TTC21B: variants seen among roughly 807,000 people sequenced by gnomAD.
TTC21B encodes the protein tetratricopeptide repeat protein 21B.
A neutral mutation model predicts 175.1 loss-of-function variants in TTC21B; 127 were observed. The observed-to-expected ratio is 0.73, with a 90% CI of 0.63 to 0.84. TTC21B has a LOEUF of 0.84. Ranked by LOEUF, TTC21B falls within the 40% of genes least tolerant of loss-of-function variation. TTC21B has a pLI of 0.00. For missense variants in TTC21B, 1,561 were observed against 1,558.3 expected (o/e 1.00, Z -0.03); for synonymous variants, 524 against 524.5 (o/e 1.00, Z 0.01).
intron 22 of TTC21B, 162 bp downstream of exon 22, chr2:165,898,524 T>C: frequency 1.5e-6 from 1 of 684,988 alleles, no homozygotes; most frequent in Non-Finnish European, 2.7e-6. Flanking sequence ...TGTTGCAATT[T>C]CCTTATAGCC....
At chr2:165,919,612 A>G (rs987014890) in intron 12 of TTC21B, among the ~76,000 whole-genome samples, 179 bp from the exon 13 acceptor site, 1 of 152,192 alleles carries the variant, frequency 6.6e-6, no homozygotes, top group Admixed American at 6.5e-5. Flanking sequence ...TCTAGTCTAC[A>G]TGAATGAATA....
chr2:165,900,789 A>G (rs1275730087), intron 20 of TTC21B, among the ~76,000 whole-genome samples: 1 of 152,108 alleles, frequency 6.6e-6, no homozygotes, highest in South Asian at 2.1e-4. Context: ...AAATTTGAAA[A>G]TTATTTAAAT....
chr2:165,930,001 T>C (rs1046055653), intron 9 of TTC21B, among the ~76,000 whole-genome samples, 171 bp downstream of exon 9: 1 of 147,614 alleles, frequency 6.8e-6, no homozygotes, highest in Non-Finnish European at 1.5e-5. Context: ...TCTCTCAAGA[T>C]ATTATTTGTG....
At chr2:165,937,771 C>CCACACACACACACACACA (rs4001021) in intron 6 of TTC21B, among the ~76,000 whole-genome samples, 2 of 127,568 alleles carry the variant, frequency 1.6e-5, no homozygotes, top group African/African-American at 5.9e-5. Context: ...TATATAGAAA[C>CCACACACACACACACACA]CACACACACA....
At position 165,934,429 on chromosome 2, in the gene TTC21B, G is replaced by A. The variant is rs1413424427; in HGVS notation, c.711-1372C>T. Among the ~76,000 whole-genome samples the A allele has an allele frequency of 4.0e-5, 6 of 149,322 alleles. No homozygotes were observed. In the East Asian group the frequency reaches 1.2e-3, roughly 30 times the overall value. On this transcript the variant is annotated intron_variant, in intron 6 of 28. Coordinates refer to ENST00000243344, the MANE Select transcript of TTC21B (RefSeq NM_024753.5). ...AGGCATGAGAATCACTTGAACCCGGGAGGCGGAGGTTGCAGGGAGCCAAGA... is the reference window on the plus strand; with the variant it reads ...AGGCATGAGAATCACTTGAACCCGGAAGGCGGAGGTTGCAGGGAGCCAAGA...
Position 165,888,410 on chromosome 2 carries a change from C to G in TTC21B, c.3328G>C (p.Glu1110Gln). The change falls in exon 25 of 29, where the codon GAA becomes CAA. Residue 1110 changes from glutamate (E) to glutamine (Q), a missense_variant. Coordinates refer to ENST00000243344, the MANE Select transcript of TTC21B (RefSeq NM_024753.5). Reference protein sequence around the residue: ...AVRTAEKLLKELKPQTVQGHV... With the variant: ...AVRTAEKLLKQLKPQTVQGHV... ...CCCTGAACAGTCTGAGGTTTTAGTTCCTTAAGAAGTTTTTCTGCTGTTCTT... is the reference window on the plus strand; with the variant it reads ...CCCTGAACAGTCTGAGGTTTTAGTTGCTTAAGAAGTTTTTCTGCTGTTCTT... 6.2e-7 allele frequency: 1 copy of G among 1,613,894 alleles called. No individual in the cohort carries two copies.
chr2:165,930,447 T>C (rs1686846723), intron 8 of TTC21B, 83 bp from the exon 9 acceptor site: 1 of 1,052,694 alleles, frequency 9.5e-7, no homozygotes, highest in South Asian at 1.7e-5. Context: ...TAAATATATA[T>C]ATTATTTGTA....
intron 8 of TTC21B, among the ~76,000 whole-genome samples, chr2:165,931,337 A>G (rs989591005): frequency 2.0e-5 from 3 of 152,144 alleles, no homozygotes; most frequent in Non-Finnish European, 4.4e-5. Flanking sequence ...GCTTATAATA[A>G]AAACATTTCT....
intron 26 of TTC21B, among the ~76,000 whole-genome samples, chr2:165,882,096 C>A (rs1684853614): frequency 6.6e-6 from 1 of 152,142 alleles, no homozygotes; most frequent in South Asian, 2.1e-4. Context: ...CCAACCCTAG[C>A]CCTGCCATAG....
At chr2:165,891,319 C>T (rs1041011127) in intron 22 of TTC21B, among the ~76,000 whole-genome samples, 12 of 152,116 alleles carry the variant, frequency 7.9e-5, no homozygotes, top group African/African-American at 2.9e-4. Context: ...CTGTGAAGTT[C>T]AGGAATACCG....
chr2:165,922,872 G>T (rs1384763841), intron 12 of TTC21B, among the ~76,000 whole-genome samples: 1 of 152,120 alleles, frequency 6.6e-6, no homozygotes, highest in Admixed American at 6.5e-5. Flanking sequence ...ATAAAATGTG[G>T]TCTATATATA....
In TTC21B at chr2:165,890,525, C is replaced by T. The variant is rs1348279682; in HGVS notation, c.3217G>A (p.Glu1073Lys). Residue 1073 changes from glutamate to lysine, a missense_variant, in exon 24 of 29, where the codon GAA (glutamate) becomes AAA (lysine). Coordinates refer to ENST00000243344, the MANE Select transcript of TTC21B (RefSeq NM_024753.5). ...TCAAATACTTCACCTCCAACAGTTT[C>T]ATTATCTGGATTCAAACAGATCTCT... ...MIEICLNPDNETVGGEVFENL... is the reference protein window; with the variant it reads ...MIEICLNPDNKTVGGEVFENL... The T allele has an allele frequency of 6.2e-7, 1 of 1,613,612 alleles. No homozygotes were observed. The highest frequency in any genetic ancestry group is 8.5e-7 in the Non-Finnish European group (1 of 1,179,706).
At chr2:165,916,186 C>A (rs537771966) in intron 14 of TTC21B, among the ~76,000 whole-genome samples, 3 of 152,192 alleles carry the variant, frequency 2.0e-5, no homozygotes, top group African/African-American at 7.2e-5. Flanking sequence ...TCTCTTGGAC[C>A]CAGGAGTTTG....
In TTC21B at chr2:165,930,384, A is replaced by C; in HGVS notation, c.895-20T>G. ...TCCACACTAAAAAGAAAAAAAAATG[A>C]TGTAAGATTTCAAAGTCTAACATTT... On this transcript the variant is annotated intron_variant, in intron 8 of 28. Transcript: ENST00000243344. 2 of 1,564,584 alleles carry C rather than the reference A, an allele frequency of 1.3e-6. No homozygotes were observed. The highest frequency in any genetic ancestry group is 1.8e-6 in the Non-Finnish European group (2 of 1,142,262).
intron 12 of TTC21B, among the ~76,000 whole-genome samples, chr2:165,919,684 G>A (rs1686315403): frequency 6.6e-6 from 1 of 152,188 alleles, no homozygotes; most frequent in African/African-American, 2.4e-5. Context: ...AGGAAAGGAT[G>A]AGAGCCAAGC....
At chr2:165,891,064 A>G (rs1242823766) in intron 22 of TTC21B, 76 bp from the exon 23 acceptor site, 3 of 1,267,690 alleles carry the variant, frequency 2.4e-6, no homozygotes, top group African/African-American at 3.0e-5. Flanking sequence ...CTACTTCATT[A>G]GAGTATAATT....
chr2:165,924,893 G>C (rs1315320757), intron 11 of TTC21B, among the ~76,000 whole-genome samples: 1 of 152,000 alleles, frequency 6.6e-6, no homozygotes, highest in Non-Finnish European at 1.5e-5. Context: ...AATGGCTCTT[G>C]TTCAGCAAAA....
At chr2:165,929,467 A>G in intron 10 of TTC21B, 132 bp from the exon 11 acceptor site, 1 of 930,560 alleles carries the variant, frequency 1.1e-6, no homozygotes, top group East Asian at 2.6e-5. Flanking sequence ...TAGCTTGAAT[A>G]GACTTTTAGA....
At position 165,953,768 on chromosome 2, in the gene TTC21B, G is replaced by A; in HGVS notation, c.-63C>T. On this transcript the variant is annotated 5_prime_UTR_variant, in exon 1 of 29. Coordinates refer to ENST00000243344, the MANE Select transcript of TTC21B (RefSeq NM_024753.5). ...GTCTCGCCGCAGCCTAAAGGAAGAC[G>A]CAGAATTCAGCTCCCCTAGCCTCCC... 2 of 1,544,844 alleles carry A rather than the reference G, an allele frequency of 1.3e-6. No individual in the cohort carries two copies. Among genetic ancestry groups the A allele is most frequent in the South Asian group, 1.2e-5 (1 of 83,938 alleles).
Sources: gnomAD v4.1 joint callset for allele counts (sites outside exome capture counted in the v4.1 genomes callset) on GRCh38, gnomAD v4.1.1 for gene constraint, MANE v1.5 for transcripts, NCBI Gene and HGNC (gene_info 2026-07-23, HGNC 2026-07-21) for gene names.